Variants in TSPAN9 observed in about 807,000 individuals in gnomAD.
TSPAN9 encodes the protein tetraspanin 9.
In TSPAN9, 16 loss-of-function variants were observed where a neutral mutation model predicts 31.0. That is an observed-to-expected ratio of 0.52 (90% CI 0.35 to 0.78). The LOEUF is 0.78. Ranked by LOEUF, TSPAN9 falls within the 30% of genes least tolerant of loss-of-function variation. The pLI, the probability that TSPAN9 is intolerant of heterozygous loss-of-function variation, is 0.01. For missense variants in TSPAN9, 272 were observed against 312.5 expected, an observed-to-expected ratio of 0.87 and a Z score of 0.98; for synonymous variants, 145 against 121.6, an observed-to-expected ratio of 1.19 and a Z score of -1.27.
intron 2 of TSPAN9, among the ~76,000 whole-genome samples, chr12:3,135,820 C>G (rs2098331864): frequency 6.6e-6 from 1 of 152,192 alleles, no homozygotes; most frequent in South Asian, 2.1e-4. Context: ...GCAGCCCTCT[C>G]AGACGTACCC....
chr12:3,281,105 G>A (rs759914072), intron 6 of TSPAN9, 93 bp from the exon 7 acceptor site: 18 of 1,522,236 alleles, frequency 1.2e-5, no homozygotes, highest in Non-Finnish European at 1.5e-5. Context: ...CCACTTTTGC[G>A]GGGACTGGGG....
At chr12:3,264,242 CAG>C (rs1299482003) in intron 3 of TSPAN9, among the ~76,000 whole-genome samples, 4 of 152,062 alleles carry the variant, frequency 2.6e-5, no homozygotes, top group African/African-American at 9.7e-5. Context: ...GAATGGGGCA[CAG>C]GGGACCCGGG....
intron 2 of TSPAN9, among the ~76,000 whole-genome samples, chr12:3,182,112 G>A (rs1408285370): frequency 1.3e-5 from 2 of 152,030 alleles, no homozygotes; most frequent in African/African-American, 2.4e-5. Context: ...TAGCCCCCTG[G>A]ACCCCCGGCC....
At chr12:3,181,446 C>T (rs569283757) in intron 2 of TSPAN9, among the ~76,000 whole-genome samples, 11 of 152,218 alleles carry the variant, frequency 7.2e-5, no homozygotes, top group African/African-American at 2.4e-4. Context: ...CCACCTCATC[C>T]GCATCTCTCA....
At chr12:3,239,602 G>A (rs1332870567) in intron 3 of TSPAN9, among the ~76,000 whole-genome samples, 3 of 152,208 alleles carry the variant, frequency 2.0e-5, no homozygotes, top group African/African-American at 7.2e-5. Flanking sequence ...CCTTTTAGAA[G>A]TAGAAAGTCT....
chr12:3,184,234 G>GA (rs1356979623), intron 2 of TSPAN9, among the ~76,000 whole-genome samples: 2 of 151,794 alleles, frequency 1.3e-5, no homozygotes, highest in Admixed American at 6.6e-5. Flanking sequence ...CCCATCTCTA[G>GA]AAAAAATACA....
At chr12:3,269,934 T>C (rs1175640296) in intron 3 of TSPAN9, among the ~76,000 whole-genome samples, 1 of 152,260 alleles carries the variant, frequency 6.6e-6, no homozygotes, top group African/African-American at 2.4e-5. Context: ...CTGGTAGGGC[T>C]GCGGCGGCAG....
At chr12:3,100,686 A>G (rs546415715) in intron 2 of TSPAN9, among the ~76,000 whole-genome samples, 2 of 152,268 alleles carry the variant, frequency 1.3e-5, no homozygotes, top group East Asian at 3.9e-4. Flanking sequence ...GCATCACCTC[A>G]TTTCCTGGTG....
intron 2 of TSPAN9, chr12:3,200,112 G>A (rs908405852): frequency 1.3e-5 from 2 of 152,418 alleles, no homozygotes; most frequent in Admixed American, 6.5e-5. Flanking sequence ...GAAGGTTCTG[G>A]TTCACCCCTC....
intron 5 of TSPAN9, 71 bp downstream of exon 5, chr12:3,279,137 G>A: frequency 4.9e-6 from 7 of 1,421,650 alleles, no homozygotes; most frequent in East Asian, 2.3e-5. Flanking sequence ...GCAGGCCAGG[G>A]TCCCTTCCCT....
At chr12:3,200,408 GC>G (rs2098370762) in intron 2 of TSPAN9, 1 of 152,234 alleles carries the variant, frequency 6.6e-6, no homozygotes, top group Admixed American at 6.5e-5. Flanking sequence ...TCCGCCGCGC[GC>G]CGGGGCAGCC....
intron 2 of TSPAN9, among the ~76,000 whole-genome samples, chr12:3,101,754 C>T (rs1238521489): frequency 6.6e-6 from 1 of 152,192 alleles, no homozygotes; most frequent in Non-Finnish European, 1.5e-5. Context: ...GTCCCATTGT[C>T]TCCTGTGTCT....
At position 3,143,329 on chromosome 12, in the gene TSPAN9, G is replaced by A. The variant is rs991104419; in HGVS notation, c.-17-57848G>A. Among the ~76,000 whole-genome samples the A allele has an allele frequency of 1.5e-4, 22 of 147,916 alleles. No individual in the cohort carries two copies. Among genetic ancestry groups the A allele is most frequent in the African/African-American group, 5.4e-4 (21 of 39,106 alleles). ...TTAATACACCATTAATGTCTTGAGG[G>A]CAGGCACTTTGAAACTGTCCTGGTT... On this transcript the variant is annotated intron_variant, in intron 2 of 8. Transcript: ENST00000011898. The surrounding 1 kb of genome is among the most constrained non-coding windows in gnomAD (Gnocchi z 4.2).
chr12:3,097,909 C>A (rs934328807), intron 2 of TSPAN9, among the ~76,000 whole-genome samples: 4 of 152,268 alleles, frequency 2.6e-5, no homozygotes, highest in Non-Finnish European at 5.9e-5. Flanking sequence ...TCACTCAGTG[C>A]ACATGAGGGA....
rs145741894 is a variant in TSPAN9, at chr12:3,213,783, T to C, written c.63+12527T>C. Among the ~76,000 whole-genome samples the C allele has an allele frequency of 2.6e-3, 401 of 152,356 alleles. 2 individuals carry two copies. Among genetic ancestry groups the C allele is most frequent in the African/African-American group, 9.4e-3 (391 of 41,578 alleles). On this transcript the variant is annotated intron_variant, in intron 3 of 8. Transcript: ENST00000011898. The stretch of plus-strand genomic sequence containing the variant: ...AGGAATATTGACAAGATTCTCTGCA[T>C]TGCCGATTAGCTTTCTGTCTTCCCA...
chr12:3,178,838 C>T (rs1246140375), intron 2 of TSPAN9, among the ~76,000 whole-genome samples: 2 of 152,166 alleles, frequency 1.3e-5, no homozygotes, highest in African/African-American at 2.4e-5. Flanking sequence ...GTGGGTCAGG[C>T]AGGTTAGCTT....
intron 3 of TSPAN9, among the ~76,000 whole-genome samples, chr12:3,247,073 T>C (rs1862150099): frequency 6.6e-6 from 1 of 152,134 alleles, no homozygotes; most frequent in Non-Finnish European, 1.5e-5. Context: ...AGCAACGTAC[T>C]GTGCACACAT....
In TSPAN9 at chr12:3,095,794, C is replaced by T. The variant is rs1201941969; in HGVS notation, c.-18+12075C>T. On this transcript the variant is annotated intron_variant, in intron 2 of 8. Transcript: ENST00000011898. The stretch of plus-strand genomic sequence containing the variant: ...AGATGTGATGGCGGCTGGGAAGAGG[C>T]GCTCCTCACTTCCTAGATGGGATGG... 1.0e-4 allele frequency among the ~76,000 whole-genome samples: 15 copies of T among 147,760 alleles called. No individual in the cohort carries two copies. The East Asian group carries it at 1.6e-3, about 16-fold the overall frequency.
At chr12:3,208,193 T>C (rs1221852181) in intron 3 of TSPAN9, among the ~76,000 whole-genome samples, 1 of 152,156 alleles carries the variant, frequency 6.6e-6, no homozygotes, top group Non-Finnish European at 1.5e-5. Context: ...TATGGACCGC[T>C]TGGATGACAA....
Sources: allele counts gnomAD v4.1 joint callset (sites outside exome capture counted in the v4.1 genomes callset), GRCh38; gene constraint gnomAD v4.1.1; non-coding constraint Gnocchi (gnomAD v3.1); transcripts MANE v1.5; gene names NCBI Gene and HGNC (gene_info 2026-07-23, HGNC 2026-07-21).